The following STARD13 variants were observed in gnomAD, a reference collection of about 807,000 sequenced individuals.
STARD13 encodes the protein stAR-related lipid transfer protein 13.
STARD13 carries 62 observed loss-of-function variants against 106.4 expected under a neutral mutation model. That is an observed-to-expected ratio of 0.58 (90% CI 0.48 to 0.72). The LOEUF (loss-of-function observed/expected upper bound fraction) is 0.72, where lower values mean the gene tolerates loss of function less well. Among genes scored for constraint, STARD13 ranks in the 30% least tolerant of loss-of-function variants. The pLI, the probability that STARD13 is intolerant of heterozygous loss-of-function variation, is 0.00. For synonymous variants in STARD13, 565 were observed against 553.0 expected (o/e 1.02, Z -0.31); for missense variants, 1,387 against 1,424.0 (o/e 0.97, Z 0.42).
the STARD13 span, among the ~76,000 whole-genome samples, chr13:33,386,956 A>C: frequency 3.3e-5 from 5 of 152,132 alleles, no homozygotes; most frequent in African/African-American, 7.2e-5. Flanking sequence ...CCAATTCTGC[A>C]TAGGCCTGCT....
At chr13:33,475,189 C>T in the STARD13 span, among the ~76,000 whole-genome samples, 3 of 152,040 alleles carry the variant, frequency 2.0e-5, no homozygotes, top group South Asian at 2.1e-4. Flanking sequence ...CTGTAAAATA[C>T]TGATATTTGA....
At chr13:33,281,404 ATATGTGTGTG>A (rs1891773373) in intron 1 of STARD13, 1 of 140,770 alleles carries the variant, frequency 7.1e-6, no homozygotes, top group African/African-American at 2.8e-5. Flanking sequence ...GGTTTTCCAA[ATATGTGTGTG>A]TGTGTGTGTG....
the STARD13 span, among the ~76,000 whole-genome samples, chr13:33,529,440 C>T: frequency 1.3e-5 from 2 of 152,154 alleles, no homozygotes; most frequent in Non-Finnish European, 1.5e-5. Flanking sequence ...GGTGTTACAA[C>T]GAAGTATATC....
intron 1 of STARD13, among the ~76,000 whole-genome samples, chr13:33,337,229 C>T (rs1407659373): frequency 2.6e-5 from 4 of 152,096 alleles, no homozygotes; most frequent in Non-Finnish European, 5.9e-5. Context: ...CTCCTAATTT[C>T]CTTTTCTGAG....
the STARD13 span, among the ~76,000 whole-genome samples, chr13:33,504,104 A>G: frequency 1.3e-5 from 2 of 152,176 alleles, no homozygotes; most frequent in Non-Finnish European, 2.9e-5. Flanking sequence ...GTCTGGAAAC[A>G]ATGGGTGCTG....
Position 33,211,823 on chromosome 13 carries a change from GTGTA to G in STARD13, c.170-44205_170-44202del, listed in dbSNP as rs1239199692. ...GCTGACTCTGTGTGTGTGTGTGTGTGTGTATGTGTGTGTGTGTGTGTGTGTATGA... is the reference window on the plus strand; with the variant it reads ...GCTGACTCTGTGTGTGTGTGTGTGTGTGTGTGTGTGTGTGTGTGTGTATGA... On this transcript the variant is annotated intron_variant, in intron 1 of 13. Transcript: ENST00000336934. 1.9e-3 allele frequency among the ~76,000 whole-genome samples: 255 copies of G among 135,038 alleles called. 1 individual carries two copies. Among genetic ancestry groups the G allele is most frequent in the African/African-American group, 7.1e-3 (245 of 34,278 alleles). 88.6% of individuals were successfully genotyped at this position (135,038 alleles called of 152,430 possible).
chr13:33,473,083 T>C, the STARD13 span, among the ~76,000 whole-genome samples: 1 of 152,202 alleles, frequency 6.6e-6, no homozygotes, highest in African/African-American at 2.4e-5. Flanking sequence ...GTCCTTGAAC[T>C]TCCTAGTTGG....
chr13:33,329,947 GC>G (rs895294155), intron 1 of STARD13, among the ~76,000 whole-genome samples: 1 of 151,946 alleles, frequency 6.6e-6, no homozygotes, highest in Non-Finnish European at 1.5e-5. Flanking sequence ...CAAGTGATCC[GC>G]CCCCATCAGC....
the STARD13 span, among the ~76,000 whole-genome samples, chr13:33,630,989 C>T: frequency 2.6e-5 from 4 of 152,170 alleles, no homozygotes; most frequent in African/African-American, 7.2e-5. Context: ...GAGATATGAG[C>T]CTGCATTTAA....
chr13:33,474,304 G>A, the STARD13 span, among the ~76,000 whole-genome samples: 1 of 152,144 alleles, frequency 6.6e-6, no homozygotes, highest in Non-Finnish European at 1.5e-5. Flanking sequence ...AACTGCCATG[G>A]AAACTGCTTT....
chr13:33,586,304 A>T, the STARD13 span, among the ~76,000 whole-genome samples: 1 of 152,118 alleles, frequency 6.6e-6, no homozygotes, highest in Non-Finnish European at 1.5e-5. Context: ...AAACCAGGAT[A>T]TTTCCATTAT....
chr13:33,552,407 A>T, the STARD13 span, among the ~76,000 whole-genome samples: 1 of 152,230 alleles, frequency 6.6e-6, no homozygotes, highest in Non-Finnish European at 1.5e-5. Context: ...ATCTGAATAG[A>T]TTTAAAAGGA....
At chr13:33,149,425 T>C (rs554182962) in intron 3 of STARD13, among the ~76,000 whole-genome samples, 3 of 152,362 alleles carry the variant, frequency 2.0e-5, no homozygotes, top group African/African-American at 7.2e-5. Flanking sequence ...TAAAACAATT[T>C]CATTTTTTGG....
chr13:33,332,793 A>G (rs966019312), intron 1 of STARD13, among the ~76,000 whole-genome samples: 1 of 152,092 alleles, frequency 6.6e-6, no homozygotes, highest in Non-Finnish European at 1.5e-5. Flanking sequence ...TATAGTTATT[A>G]TTGTTTCCAC....
chr13:33,199,460 T>C (rs1886861291), intron 1 of STARD13, among the ~76,000 whole-genome samples: 1 of 152,248 alleles, frequency 6.6e-6, no homozygotes, highest in East Asian at 1.9e-4. Flanking sequence ...GTAGAAGTAA[T>C]ACACCAACAC....
intron 7 of STARD13, 138 bp downstream of exon 7, chr13:33,125,943 T>A: frequency 1.1e-5 from 7 of 628,440 alleles, no homozygotes; most frequent in Non-Finnish European, 1.6e-5. Context: ...TATTGCTACA[T>A]AAAGGTCACA....
At chr13:33,378,220 C>T in the STARD13 span, among the ~76,000 whole-genome samples, 3 of 152,156 alleles carry the variant, frequency 2.0e-5, no homozygotes, top group Non-Finnish European at 4.4e-5. Context: ...TTTCAGCACC[C>T]CCACTCCCTA....
At chr13:33,477,332 C>A in the STARD13 span, among the ~76,000 whole-genome samples, 1 of 152,156 alleles carries the variant, frequency 6.6e-6, no homozygotes, top group African/African-American at 2.4e-5. Flanking sequence ...GGCTATAAGA[C>A]TTTTGATTCT....
At chr13:33,122,156 A>G (rs1298102058) in intron 7 of STARD13, among the ~76,000 whole-genome samples, 1 of 151,936 alleles carries the variant, frequency 6.6e-6, no homozygotes, top group Non-Finnish European at 1.5e-5. Flanking sequence ...TAATTTTTGT[A>G]TTTTTAGCAG....
Sources: gnomAD v4.1 joint callset for allele counts (sites outside exome capture counted in the v4.1 genomes callset) on GRCh38, gnomAD v4.1.1 for gene constraint, MANE v1.5 for transcripts, NCBI Gene and HGNC (gene_info 2026-07-23, HGNC 2026-07-21) for gene names.